ARMC2: variants seen among roughly 807,000 people sequenced by gnomAD.
The protein encoded by ARMC2 is armadillo repeat-containing protein 2.
Under a neutral mutation model 90.3 loss-of-function variants are expected in ARMC2, and 67 were observed. That is an observed-to-expected ratio of 0.74 (90% confidence interval 0.61 to 0.91). ARMC2 has a LOEUF of 0.91. ARMC2 is among the 40% of genes least tolerant of loss of function. ARMC2 has a pLI of 0.00. For missense variants in ARMC2, 920 were observed against 1,030.9 expected, an observed-to-expected ratio of 0.89 and a Z score of 1.47; for synonymous variants, 393 against 393.0, an observed-to-expected ratio of 1.00 and a Z score of 0.00.
At chr6:108,893,882 G>T (rs1771344281) in intron 5 of ARMC2, among the ~76,000 whole-genome samples, 1 of 152,186 alleles carries the variant, frequency 6.6e-6, no homozygotes, top group Non-Finnish European at 1.5e-5. Context: ...TCCGGGCATG[G>T]TGGCATGTGC....
chr6:108,864,553 G>A (rs1354012072), intron 3 of ARMC2, among the ~76,000 whole-genome samples: 2 of 151,992 alleles, frequency 1.3e-5, no homozygotes, highest in Non-Finnish European at 2.9e-5. Flanking sequence ...GGCGGCTTGC[G>A]AGAATGTTTA....
chr6:108,965,814 A>G (rs1222237416), intron 17 of ARMC2, among the ~76,000 whole-genome samples: 1 of 150,006 alleles, frequency 6.7e-6, no homozygotes, highest in African/African-American at 2.5e-5. Context: ...CCAGATAATT[A>G]AAAAAAAATT....
chr6:108,915,968 C>T (rs1773923824), intron 10 of ARMC2, among the ~76,000 whole-genome samples: 1 of 152,044 alleles, frequency 6.6e-6, no homozygotes, highest in Non-Finnish European at 1.5e-5. Flanking sequence ...ACACAGCAGC[C>T]CCAGTTAAGA....
downstream of ARMC2, among the ~76,000 whole-genome samples, chr6:108,977,430 G>A (rs1227304516): frequency 1.3e-5 from 2 of 152,200 alleles, no homozygotes; most frequent in Non-Finnish European, 2.9e-5. Flanking sequence ...TCGCATCGAT[G>A]TTCATCAGGG....
In ARMC2 at chr6:108,949,776, G is replaced by T. The variant is rs1777049204; in HGVS notation, c.1597-3257G>T. ...TTCAAGTATTATAATCAAATTGTGT[G>T]TGCTTGTTTTAGACTTAAGGCCCAT... On this transcript the variant is annotated intron_variant, in intron 12 of 17. Transcript: ENST00000392644. Among the ~76,000 whole-genome samples the T allele has an allele frequency of 4.6e-5, 7 of 152,168 alleles. No individual in the cohort carries two copies. The South Asian group carries it at 1.2e-3, about 27-fold the overall frequency.
chr6:108,928,372 G>A, intron 11 of ARMC2, 139 bp downstream of exon 11: 1 of 856,320 alleles, frequency 1.2e-6, no homozygotes, highest in Non-Finnish European at 1.7e-6. Context: ...GGTAAATCTA[G>A]TGGCCCAAGT....
chr6:108,944,666 C>T (rs993950191), intron 12 of ARMC2, among the ~76,000 whole-genome samples: 1 of 152,178 alleles, frequency 6.6e-6, no homozygotes, highest in Non-Finnish European at 1.5e-5. Flanking sequence ...ATACCCATAT[C>T]TAAATGTTGT....
rs114501499 is a variant in ARMC2 at position 108,862,712 on chromosome 6, A to G, written c.291+4441A>G. On this transcript the variant is annotated intron_variant, in intron 3 of 17. Transcript: ENST00000392644. ...TGGAGAGAGAGGGAGAGAGAGTGGC[A>G]GAGGAGTGTCTCACAGTTAAGGGAC... Among the ~76,000 whole-genome samples the G allele has an allele frequency of 4.1e-3, 621 of 152,290 alleles. 2 individuals carry two copies. Among genetic ancestry groups the G allele is most frequent in the African/African-American group, 0.014 (582 of 41,554 alleles).
At chr6:108,933,121 G>C (rs958057475) in intron 11 of ARMC2, among the ~76,000 whole-genome samples, 2 of 151,590 alleles carry the variant, frequency 1.3e-5, no homozygotes, top group African/African-American at 4.9e-5. Flanking sequence ...TTGGTAGTTT[G>C]ATAGGAATAG....
At chr6:108,980,593 G>T in the ARMC2 span, among the ~76,000 whole-genome samples, 1 of 151,202 alleles carries the variant, frequency 6.6e-6, no homozygotes, top group Non-Finnish European at 1.5e-5. Context: ...TGCTGACACT[G>T]CACCCACAGC....
the ARMC2 span, among the ~76,000 whole-genome samples, chr6:108,996,265 A>G: frequency 2.6e-5 from 4 of 152,230 alleles, no homozygotes; most frequent in Non-Finnish European, 5.9e-5. Context: ...AAACAGTTAT[A>G]CTGAAATGCC....
At chr6:108,855,210 A>G (rs1037307608) in intron 2 of ARMC2, among the ~76,000 whole-genome samples, 5 of 151,474 alleles carry the variant, frequency 3.3e-5, no homozygotes, top group African/African-American at 1.2e-4. Context: ...TCCATGTGTA[A>G]GTTTCTGTGT....
At chr6:108,944,958 A>G (rs1776700481) in intron 12 of ARMC2, among the ~76,000 whole-genome samples, 1 of 151,972 alleles carries the variant, frequency 6.6e-6, no homozygotes, top group South Asian at 2.1e-4. Context: ...GCAACTAGTA[A>G]CTCCAGTTCC....
rs146974995 is a variant in ARMC2, at chr6:108,849,947, C to G, written c.-44+1401C>G. The stretch of plus-strand genomic sequence containing the variant: ...TGCTCATATTAATACAAAAATGATT[C>G]AGAGTTATGGAAGGGTCCTGAGTAT... On this transcript the variant is annotated intron_variant, in intron 1 of 17. Coordinates refer to ENST00000392644, the MANE Select transcript of ARMC2 (RefSeq NM_032131.6). 4.1e-4 allele frequency among the ~76,000 whole-genome samples: 63 copies of G among 152,310 alleles called. 1 individual carries two copies. The East Asian group carries it at 0.012, about 29-fold the overall frequency.
intron 12 of ARMC2, among the ~76,000 whole-genome samples, chr6:108,946,879 G>A (rs1340866848): frequency 6.6e-6 from 1 of 152,174 alleles, no homozygotes; most frequent in South Asian, 2.1e-4. Context: ...TTTAAGGTAC[G>A]GGAGGAAGGG....
At chr6:109,001,449 A>C in the ARMC2 span, 11 of 1,613,856 alleles carry the variant, frequency 6.8e-6, no homozygotes, top group Non-Finnish European at 9.3e-6. Context: ...TCTGCAAATA[A>C]AGCATGCATC....
the ARMC2 span, among the ~76,000 whole-genome samples, chr6:108,980,691 T>C: frequency 6.6e-6 from 1 of 152,134 alleles, no homozygotes; most frequent in East Asian, 1.9e-4. Context: ...TTTTCAGAGA[T>C]GCCCTGCCCA....
chr6:108,862,342 C>CAAAAAA (rs71551359), intron 3 of ARMC2, among the ~76,000 whole-genome samples: 18 of 36,510 alleles, frequency 4.9e-4, no homozygotes, highest in Middle Eastern at 0.014. Context: ...AGACTCATCT[C>CAAAAAA]AAAAAAAAAA....
At chr6:108,939,258 A>G (rs1404812452) in intron 12 of ARMC2, among the ~76,000 whole-genome samples, 1 of 152,188 alleles carries the variant, frequency 6.6e-6, no homozygotes, top group East Asian at 1.9e-4. Context: ...GTATATTACA[A>G]TTTTATGTTC....
Sources: allele counts gnomAD v4.1 joint callset (sites outside exome capture counted in the v4.1 genomes callset), GRCh38; gene constraint gnomAD v4.1.1; transcripts MANE v1.5; gene names NCBI Gene and HGNC (gene_info 2026-07-23, HGNC 2026-07-21).